The following INTS11 variants were observed in gnomAD, a reference collection of about 807,000 sequenced individuals.
INTS11 encodes CPSF3-like protein.
In INTS11, 77 loss-of-function variants were observed where a neutral mutation model predicts 78.6. That is an observed-to-expected ratio of 0.98 (90% CI 0.81 to 1.18). The LOEUF is 1.18. Ranked by LOEUF, INTS11 falls within the 50% of genes most tolerant of loss-of-function variation. The pLI, the probability that INTS11 is intolerant of heterozygous loss-of-function variation, is 0.00. For missense variants in INTS11, 875 were observed against 825.9 expected, an observed-to-expected ratio of 1.06 and a Z score of -0.73; for synonymous variants, 441 against 326.9, an observed-to-expected ratio of 1.35 and a Z score of -3.77.
chr1:1,324,327 C>A (rs975446496), intron 1 of INTS11, among the ~76,000 whole-genome samples: 1 of 152,074 alleles, frequency 6.6e-6, no homozygotes, highest in African/African-American at 2.4e-5. Context: ...GCGAAGGCCC[C>A]GCGGCCCCAT....
In INTS11 at chr1:1,311,869, G is replaced by T. The variant is rs983727680; in HGVS notation, c.1793C>A (p.Ala598Asp). ...GGTGAGTTGCCGGCCTCAGCTGGGG[G>T]CCTGGGGGAGGCCCTTCTTCAGCAG... ...TSLLKKGLPQAPS is the reference protein window; with the variant it reads ...TSLLKKGLPQDPS Residue 598 changes from alanine to aspartate, a missense_variant, in exon 17 of 17, where the codon GCC becomes GAC. Physicochemically the swap from Ala to Asp is moderately radical, Grantham distance 126. Transcript: ENST00000435064. 6.4e-7 allele frequency: 1 copy of T among 1,559,292 alleles called. No individual in the cohort carries two copies. The highest frequency in any genetic ancestry group is 8.7e-7 in the Non-Finnish European group (1 of 1,152,430).
chr1:1,312,213 G>GCCCCCCCCGCCC lies in INTS11; in HGVS notation c.1607+12_1607+13insGGGCGGGGGGGG. 1.1e-6 allele frequency: 1 copy of GCCCCCCCCGCCC among 934,620 alleles called. No individual in the cohort carries two copies. The highest frequency in any genetic ancestry group is 1.6e-6 in the Non-Finnish European group (1 of 636,670). The allele number at this position is 934,620 out of a possible 1,614,324, so 57.9% of individuals were successfully genotyped here. On this transcript the variant is annotated intron_variant, in intron 15 of 16. Coordinates refer to ENST00000435064, the MANE Select transcript of INTS11 (RefSeq NM_017871.6). ...CCCAAGGGAGTGGGGGGGGGGCGGG[G>GCCCCCCCCGCCC]CCGGGCGCCCACCTCTTGAGGTGGC...
chr1:1,322,823 C>T (rs1342314818), intron 1 of INTS11: 8 of 988,388 alleles, frequency 8.1e-6, no homozygotes, highest in East Asian at 7.6e-5. Flanking sequence ...CCAGTGAGCG[C>T]GGACACGGAG....
At chr1:1,318,723 T>C (rs568994941) in intron 4 of INTS11, 77 of 468,650 alleles carry the variant, frequency 1.6e-4, no homozygotes, top group African/African-American at 1.3e-3. Context: ...ATCAGAAAAT[T>C]AAATGTTCCA....
chr1:1,313,533 T>C lies in INTS11; in HGVS notation c.1017A>G (p.Lys339=), dbSNP rs148768825. The C allele has an allele frequency of 5.6e-6, 9 of 1,613,018 alleles. No individual in the cohort carries two copies. The highest frequency in any genetic ancestry group is 3.3e-5 in the Admixed American group (2 of 60,028). ...CCATGTTCTTTTCGTTTCCGGCCCA[T>C]TTCCGGAAGATCTGCAGGGACTGCC... ...HAGQSLQIFR[K]WAGNEKNMVI... is the part of the protein sequence containing the mutation. The change falls in exon 10 of 17, where the codon AAA becomes AAG. Residue 339 remains lysine (K), a synonymous_variant. Transcript: ENST00000435064.
At chr1:1,319,851 T>A in intron 3 of INTS11, 1 of 326,384 alleles carries the variant, frequency 3.1e-6, no homozygotes. Context: ...GAGCTGCAGG[T>A]GAAGGTGGCA....
intron 6 of INTS11, 192 bp from the exon 7 acceptor site, chr1:1,315,154 G>T: frequency 1.3e-6 from 1 of 761,390 alleles, no homozygotes; most frequent in Non-Finnish European, 2.1e-6. Flanking sequence ...CACCCACCCA[G>T]ACACTTCGGA....
intron 4 of INTS11, chr1:1,316,573 C>A (rs1180540791): frequency 6.7e-6 from 1 of 148,990 alleles, no homozygotes; most frequent in Non-Finnish European, 1.5e-5. Flanking sequence ...GCAACAAGAG[C>A]GAGAGTGTCA....
intron 1 of INTS11, 47 bp downstream of exon 1, chr1:1,324,534 C>A: frequency 6.4e-7 from 1 of 1,567,814 alleles, no homozygotes; most frequent in Non-Finnish European, 8.7e-7. Flanking sequence ...CCGCCCGGAG[C>A]CGCATACGGA....
chr1:1,312,977 G>A (rs1432494491), intron 11 of INTS11, 28 bp from the exon 12 acceptor site: 4 of 1,612,012 alleles, frequency 2.5e-6, no homozygotes, highest in Admixed American at 3.3e-5. Flanking sequence ...CGTGGACAGT[G>A]GTTACCACCA....
At chr1:1,318,578 A>C (rs1170396434) in intron 4 of INTS11, 5 of 290,534 alleles carry the variant, frequency 1.7e-5, no homozygotes, top group Non-Finnish European at 2.5e-5. Context: ...AGATCACCTC[A>C]ACCCGGGAGG....
chr1:1,322,935 G>A (rs1643047999), intron 1 of INTS11: 23 of 1,348,658 alleles, frequency 1.7e-5, no homozygotes, highest in Middle Eastern at 2.8e-4. Flanking sequence ...TACAGATTGC[G>A]GGTAATTGAA....
At chr1:1,323,192 G>A (rs1280257806) in intron 1 of INTS11, 2 of 1,550,250 alleles carry the variant, frequency 1.3e-6, no homozygotes, top group Non-Finnish European at 1.7e-6. Flanking sequence ...CCATGGGGGA[G>A]GACATGGAAT....
intron 1 of INTS11, chr1:1,322,962 G>A: frequency 5.9e-6 from 8 of 1,357,476 alleles, no homozygotes; most frequent in Non-Finnish European, 7.6e-6. Context: ...TGAAAGATCA[G>A]AAAGATCAGA....
chr1:1,317,918 T>G (rs1361859597), intron 4 of INTS11: 2 of 151,862 alleles, frequency 1.3e-5, no homozygotes, highest in African/African-American at 4.8e-5. Flanking sequence ...CAGGCTGGAG[T>G]GCAGTGGTGG....
intron 1 of INTS11, among the ~76,000 whole-genome samples, chr1:1,323,624 T>A (rs1204171145): frequency 1.3e-5 from 2 of 151,112 alleles, no homozygotes; most frequent in African/African-American, 2.4e-5. Flanking sequence ...TTGGCTAGGT[T>A]GGTCTTGAAC....
At position 1,314,435 on chromosome 1, in the gene INTS11, G is replaced by C. The variant is rs1464681750; in HGVS notation, c.703-70C>G. On this transcript the variant is annotated intron_variant, in intron 7 of 16. Transcript: ENST00000435064. The surrounding 1 kb of genome is among the most constrained non-coding windows in gnomAD (Gnocchi z 4.2). Reference sequence around the variant, plus strand: ...ACACAGCAGGCAGCGTCCAGTGAGGGCACGGCCAGGTGCCCAAGAGCTGCG... The same window carrying C: ...ACACAGCAGGCAGCGTCCAGTGAGGCCACGGCCAGGTGCCCAAGAGCTGCG... 1.4e-6 allele frequency: 2 copies of C among 1,407,448 alleles called. No homozygotes were observed. The highest frequency in any genetic ancestry group is 2.5e-5 in the South Asian group (2 of 78,926). 87.2% of individuals were successfully genotyped at this position (1,407,448 alleles called of 1,614,324 possible).
chr1:1,313,460 ACC>A (rs1226339347), intron 10 of INTS11, 47 bp downstream of exon 10: 2 of 1,599,812 alleles, frequency 1.3e-6, no homozygotes. Context: ...TGGAAGGACA[ACC>A]CGTCGGCCTC....
chr1:1,313,085 G>A lies in INTS11; in HGVS notation c.1081C>T (p.His361Tyr), dbSNP rs776534078. The A allele has an allele frequency of 1.2e-6, 2 of 1,609,504 alleles. No individual in the cohort carries two copies. The highest frequency in any genetic ancestry group is 1.1e-5 in the South Asian group (1 of 91,066). The change falls in exon 11 of 17, where the codon CAC becomes TAC. Residue 361 changes from histidine (H) to tyrosine (Y), a missense_variant. Coordinates refer to ENST00000435064, the MANE Select transcript of INTS11 (RefSeq NM_017871.6). ...TTCCGCTGCCCGCTGAGGATCTTGT[G>A]GCCGACGGTGCCCTGCACGCAGTAG... ...PGYCVQGTVG[H>Y]KILSGQRKLE...
Sources: gnomAD v4.1 joint callset for allele counts (sites outside exome capture counted in the v4.1 genomes callset) on GRCh38, gnomAD v4.1.1 for gene constraint, Gnocchi (gnomAD v3.1) non-coding constraint, MANE v1.5 for transcripts, NCBI Gene and HGNC (gene_info 2026-07-23, HGNC 2026-07-21) for gene names.